SAG: variants seen among roughly 807,000 people sequenced by gnomAD.
SAG encodes S-arrestin.
SAG carries 45 observed loss-of-function variants against 55.0 expected under a neutral mutation model. The ratio of observed to expected loss-of-function variants is 0.82; its 90% CI spans 0.64 to 1.05. SAG has a LOEUF of 1.05. SAG is among the 50% of genes least tolerant of loss of function. The pLI is 0.00. For missense variants in SAG, 455 were observed against 512.1 expected (o/e 0.89, Z 1.08); for synonymous variants, 189 against 197.4 (o/e 0.96, Z 0.36).
chr2:233,309,428 A>G, intron 2 of SAG, 164 bp downstream of exon 2: 2 of 611,072 alleles, frequency 3.3e-6, no homozygotes, highest in Non-Finnish European at 5.9e-6. Context: ...AGGCGGGATA[A>G]CTTGAGGCCA....
At chr2:233,318,258 G>A (rs892944496) in intron 3 of SAG, among the ~76,000 whole-genome samples, 24 of 151,978 alleles carry the variant, frequency 1.6e-4, no homozygotes, top group Admixed American at 1.1e-3. Context: ...TTGACTTCCC[G>A]GGCTCAAGGG....
rs1268709543 is a variant in SAG at position 233,308,031 on chromosome 2, C to A, written c.-29+9C>A. 1 of 152,476 alleles carries A rather than the reference C, an allele frequency of 6.6e-6. No individual in the cohort carries two copies. The highest frequency in any genetic ancestry group is 1.5e-5 in the Non-Finnish European group (1 of 68,166). 9.4% of individuals were successfully genotyped at this position (152,476 alleles called of 1,614,324 possible). A position where few individuals can be genotyped will look rare whatever the true frequency, so the allele number is the denominator to read the frequency against. ...TGGTGACAAATCACAAGGTATGTGA[C>A]CACCACAGGCCAAAACCTTATCAGA... On this transcript the variant is annotated intron_variant, in intron 1 of 15. Coordinates refer to ENST00000409110, the MANE Select transcript of SAG (RefSeq NM_000541.5).
At chr2:233,334,747 T>G in intron 10 of SAG, 1 of 563,328 alleles carries the variant, frequency 1.8e-6, no homozygotes. Flanking sequence ...CTGAGTTGCT[T>G]GAAGAAATAT....
chr2:233,316,052 A>G (rs1486795615), intron 2 of SAG, 23 bp from the exon 3 acceptor site: 3 of 1,506,500 alleles, frequency 2.0e-6, no homozygotes, highest in East Asian at 4.6e-5. Flanking sequence ...TGGCCCTTAG[A>G]CCCACACCTG....
rs1435857005 is a variant in SAG, at chr2:233,346,946, T to C, written c.*34T>C. Reference sequence around the variant, plus strand: ...GCTCAGGATGCCGGAAAATGACCTGTAGTTACCAGTGCAACGAGCAAAGCC... The same window carrying C: ...GCTCAGGATGCCGGAAAATGACCTGCAGTTACCAGTGCAACGAGCAAAGCC... On this transcript the variant is annotated 3_prime_UTR_variant, in exon 16 of 16. Transcript: ENST00000409110. 1.6e-6 allele frequency: 2 copies of C among 1,253,270 alleles called. No individual in the cohort carries two copies. The highest frequency in any genetic ancestry group is 1.8e-5 in the Admixed American group (1 of 54,680). The allele number at this position is 1,253,270 out of a possible 1,614,324, so 77.6% of individuals were successfully genotyped here. A position where few individuals can be genotyped will look rare whatever the true frequency, so the allele number is the denominator to read the frequency against.
intron 2 of SAG, 112 bp from the exon 3 acceptor site, chr2:233,315,963 G>T (rs978809066): frequency 4.4e-6 from 3 of 676,518 alleles, no homozygotes; most frequent in Non-Finnish European, 8.1e-6. Context: ...GCCTCCCAAA[G>T]TGCTAAGATT....
intron 4 of SAG, 28 bp downstream of exon 4, chr2:233,318,823 G>C (rs367986998): frequency 1.2e-6 from 2 of 1,607,232 alleles, no homozygotes; most frequent in East Asian, 2.2e-5. Context: ...GTCTCAGGCT[G>C]GTTTCTGGGC....
At chr2:233,342,154 T>C in intron 13 of SAG, 117 bp from the exon 14 acceptor site, 2 of 755,146 alleles carry the variant, frequency 2.6e-6, no homozygotes, top group Non-Finnish European at 4.5e-6. Context: ...CCCACTGCAT[T>C]GTCTTTCAGC....
intron 2 of SAG, among the ~76,000 whole-genome samples, chr2:233,314,801 G>A (rs1263796396): frequency 1.3e-5 from 2 of 152,182 alleles, no homozygotes; most frequent in Non-Finnish European, 2.9e-5. Flanking sequence ...CGGGACATCT[G>A]ATATGGGTGA....
At chr2:233,321,863 T>C (rs895110545) in intron 5 of SAG, among the ~76,000 whole-genome samples, 2 of 152,116 alleles carry the variant, frequency 1.3e-5, no homozygotes, top group Admixed American at 1.3e-4. Flanking sequence ...GAGTTTGAAG[T>C]GACATAACCT....
intron 5 of SAG, among the ~76,000 whole-genome samples, chr2:233,322,728 C>G (rs1248343672): frequency 6.6e-6 from 1 of 152,158 alleles, no homozygotes; most frequent in Non-Finnish European, 1.5e-5. Context: ...GAGCAAGACT[C>G]CATCTCAAAA....
In SAG at chr2:233,320,454, G is replaced by C. The variant is rs896574169; in HGVS notation, c.182-176G>C. 2.0e-5 allele frequency among the ~76,000 whole-genome samples: 3 copies of C among 152,338 alleles called. No individual in the cohort carries two copies. The East Asian group carries it at 5.8e-4, about 29-fold the overall frequency. On this transcript the variant is annotated intron_variant, in intron 4 of 15. Transcript: ENST00000409110. The stretch of plus-strand genomic sequence containing the variant: ...CTTTAGAGCGGTGAACCCTCATGAA[G>C]GGGCTGATTCTCCAGAGTGGTGTGG...
rs4663490 is a variant in SAG, at chr2:233,318,472, G to A, written c.137-279G>A. Among the ~76,000 whole-genome samples the A allele has an allele frequency of 0.074, 11,235 of 151,994 alleles. 510 individuals carry two copies. The highest frequency in any genetic ancestry group is 0.11 in the Admixed American group (1,664 of 15,260). On this transcript the variant is annotated intron_variant, in intron 3 of 15. Coordinates refer to ENST00000409110, the MANE Select transcript of SAG (RefSeq NM_000541.5). ...GCTCTCGAACTCCTAGGCTCGAGCA[G>A]TCCTCCTGCCTTGGCCTCCCAAAGT...
chr2:233,328,564 T>G lies in SAG; in HGVS notation c.599T>G (p.Phe200Cys), dbSNP rs371699154. The change falls in exon 8 of 16, where the codon TTC becomes TGC. Residue 200 changes from phenylalanine (F) to cysteine (C), a missense_variant. Physicochemically the swap from Phe to Cys is radical, Grantham distance 205 (BLOSUM62 -2). Coordinates refer to ENST00000409110, the MANE Select transcript of SAG (RefSeq NM_000541.5). ...CCCCGAGCTGAGGCGGCCTGGCAGT[T>G]CTTCATGTCTGACAAGCCCCTGCAC... Reference protein sequence around the residue: ...PQPRAEAAWQFFMSDKPLHLA... With the variant: ...PQPRAEAAWQCFMSDKPLHLA... The G allele has an allele frequency of 1.5e-5, 25 of 1,613,822 alleles. No individual in the cohort carries two copies. Among genetic ancestry groups the G allele is most frequent in the South Asian group, 4.4e-5 (4 of 91,080 alleles).
Position 233,322,996 on chromosome 2 carries a change from T to C in SAG, c.426T>C (p.Asp142=), listed in dbSNP as rs1012646530. 1 of 1,571,286 alleles carries C rather than the reference T, an allele frequency of 6.4e-7. No homozygotes were observed. Among genetic ancestry groups the C allele is most frequent in the African/African-American group, 1.3e-5 (1 of 74,178 alleles). The change falls in exon 6 of 16, where the codon GAT becomes GAC. Residue 142 remains aspartate (D), a synonymous_variant. Transcript: ENST00000409110. The part of the protein sequence containing the change: ...CSVMLQPAPQ[D]SGKSCGVDFE... Reference sequence around the variant, plus strand: ...TGATGTTGCAGCCAGCTCCACAAGATTCAGGGAAGGTTAGTTCAAGAAGAA... The same window carrying C: ...TGATGTTGCAGCCAGCTCCACAAGACTCAGGGAAGGTTAGTTCAAGAAGAA...
intron 10 of SAG, chr2:233,334,485 A>G (rs1700862427): frequency 6.5e-6 from 1 of 154,280 alleles, no homozygotes; most frequent in South Asian, 2.0e-4. Flanking sequence ...TGTGTGATCC[A>G]CAAATTGTGG....
chr2:233,339,552 T>C (rs1701035648), intron 12 of SAG, among the ~76,000 whole-genome samples: 1 of 151,888 alleles, frequency 6.6e-6, no homozygotes, highest in South Asian at 2.1e-4. Context: ...TTTTTTTTTT[T>C]TTTTCACTGT....
Position 233,313,156 on chromosome 2 carries a change from C to T in SAG, c.76-2919C>T, listed in dbSNP as rs1286398343. Among the ~76,000 whole-genome samples the T allele has an allele frequency of 2.0e-5, 3 of 152,142 alleles. No individual in the cohort carries two copies. In the South Asian group the frequency reaches 6.2e-4, roughly 32 times the overall value. ...TCGCAGGCCACATGCTCCCGGGGCA[C>T]CAAAAGCCAGGGGGTGCTGGGCAAA... On this transcript the variant is annotated intron_variant, in intron 2 of 15. Coordinates refer to ENST00000409110, the MANE Select transcript of SAG (RefSeq NM_000541.5).
At chr2:233,331,909 T>C (rs1261395439) in intron 10 of SAG, 197 bp downstream of exon 10, 1 of 596,328 alleles carries the variant, frequency 1.7e-6, no homozygotes, top group Non-Finnish European at 3.0e-6. Context: ...TCTGTGCCCA[T>C]CTTACAGGAG....
Sources: gnomAD v4.1 joint callset for allele counts (sites outside exome capture counted in the v4.1 genomes callset) on GRCh38, gnomAD v4.1.1 for gene constraint, MANE v1.5 for transcripts, NCBI Gene and HGNC (gene_info 2026-07-23, HGNC 2026-07-21) for gene names.